C2CD5: variants seen among roughly 807,000 people sequenced by gnomAD.
C2CD5 encodes the protein C2 calcium dependent domain containing 5.
In C2CD5, 109 loss-of-function variants were observed where a neutral mutation model predicts 130.3. The observed-to-expected ratio is 0.84, with a 90% CI of 0.72 to 0.98. The LOEUF (loss-of-function observed/expected upper bound fraction) is 0.98. C2CD5 is among the 50% of genes least tolerant of loss of function. The probability of loss-of-function intolerance (pLI) is 0.00; values close to 1 mark genes in which losing one functional copy is unlikely to be tolerated. For missense variants in C2CD5, 996 were observed against 1,261.8 expected, an observed-to-expected ratio of 0.79 and a Z score of 3.19; for synonymous variants, 454 against 429.2, an observed-to-expected ratio of 1.06 and a Z score of -0.71.
chr12:22,455,212 A>G (rs769631029), intron 25 of C2CD5, among the ~76,000 whole-genome samples: 2 of 152,200 alleles, frequency 1.3e-5, no homozygotes, highest in Admixed American at 6.6e-5. Context: ...CTCCAACTCA[A>G]TCATAGTTCA....
chr12:22,509,052 AT>A (rs1250709177), intron 9 of C2CD5, among the ~76,000 whole-genome samples: 1 of 149,776 alleles, frequency 6.7e-6, no homozygotes, highest in African/African-American at 2.5e-5. Flanking sequence ...AATTTTTTGT[AT>A]TTTTTTAGTA....
intron 6 of C2CD5, 59 bp from the exon 7 acceptor site, chr12:22,523,683 C>CCTG: frequency 2.4e-6 from 3 of 1,272,696 alleles, no homozygotes; most frequent in South Asian, 2.4e-5. Context: ...TACTATAAGA[C>CCTG]TGGACATGGT....
intron 10 of C2CD5, among the ~76,000 whole-genome samples, chr12:22,502,427 T>G (rs1947916295): frequency 6.6e-6 from 1 of 152,108 alleles, no homozygotes; most frequent in Non-Finnish European, 1.5e-5. Context: ...GCCTACATCA[T>G]TTACCTGATA....
chr12:22,493,947 A>G (rs1380806113), intron 10 of C2CD5, among the ~76,000 whole-genome samples: 1 of 152,034 alleles, frequency 6.6e-6, no homozygotes, highest in East Asian at 1.9e-4. Flanking sequence ...AACACAAATA[A>G]TTTGGTAATG....
chr12:22,506,344 A>G (rs1948532139), intron 10 of C2CD5, among the ~76,000 whole-genome samples: 1 of 152,192 alleles, frequency 6.6e-6, no homozygotes, highest in South Asian at 2.1e-4. Context: ...TTTTAAGAAC[A>G]AGGAAAATAA....
intron 26 of C2CD5, among the ~76,000 whole-genome samples, chr12:22,450,387 C>A (rs1938325288): frequency 1.3e-5 from 2 of 152,046 alleles, no homozygotes; most frequent in African/African-American, 4.8e-5. Context: ...CTTTTCACTG[C>A]ATCATGTTTA....
At chr12:22,495,472 G>A (rs571546559) in intron 10 of C2CD5, among the ~76,000 whole-genome samples, 6 of 151,672 alleles carry the variant, frequency 4.0e-5, no homozygotes, top group South Asian at 4.2e-4. Flanking sequence ...GTTCATTTAC[G>A]TTAAACTTAC....
chr12:22,519,738 TA>T (rs1365465769), intron 7 of C2CD5, among the ~76,000 whole-genome samples: 1 of 152,046 alleles, frequency 6.6e-6, no homozygotes, highest in African/African-American at 2.4e-5. Context: ...GCTACTAAGA[TA>T]GGGGTATTTA....
At chr12:22,492,877 T>G (rs780003538) in intron 11 of C2CD5, among the ~76,000 whole-genome samples, 1 of 152,158 alleles carries the variant, frequency 6.6e-6, no homozygotes, top group Non-Finnish European at 1.5e-5. Context: ...AAGGTTCCAG[T>G]GGAAGAAGTT....
intron 7 of C2CD5, among the ~76,000 whole-genome samples, chr12:22,519,398 T>C (rs1950062699): frequency 6.6e-6 from 1 of 152,136 alleles, no homozygotes; most frequent in Admixed American, 6.5e-5. Context: ...GAAAAATAGC[T>C]AAATATTAAT....
At chr12:22,543,968 G>A in intron 2 of C2CD5, 93 bp downstream of exon 2, 1 of 946,626 alleles carries the variant, frequency 1.1e-6, no homozygotes, top group Non-Finnish European at 1.7e-6. Flanking sequence ...GCAGTCGAGG[G>A]GGGAATAGGC....
At chr12:22,507,817 G>A (rs1018948669) in intron 9 of C2CD5, among the ~76,000 whole-genome samples, 17 of 152,214 alleles carry the variant, frequency 1.1e-4, no homozygotes, top group African/African-American at 2.4e-4. Context: ...GGCTCTCAAC[G>A]GTCAAAAGAA....
intron 10 of C2CD5, among the ~76,000 whole-genome samples, chr12:22,498,170 A>AAAT (rs1947298230): frequency 6.6e-6 from 1 of 152,166 alleles, no homozygotes; most frequent in African/African-American, 2.4e-5. Context: ...GATTATCAGT[A>AAAT]AAATTAAAGT....
intron 8 of C2CD5, chr12:22,515,030 T>C (rs902876726): frequency 3.0e-6 from 3 of 985,078 alleles, no homozygotes; most frequent in Non-Finnish European, 3.6e-6. Context: ...AAGGCTAGAA[T>C]GATGAGGGGT....
intron 3 of C2CD5, among the ~76,000 whole-genome samples, chr12:22,532,450 G>GA (rs1951382024): frequency 6.6e-6 from 1 of 151,270 alleles, no homozygotes; most frequent in Middle Eastern, 3.4e-3. Flanking sequence ...ATTCATGTTT[G>GA]AAAAAAAACA....
intron 15 of C2CD5, among the ~76,000 whole-genome samples, chr12:22,477,786 G>A (rs1328728987): frequency 2.0e-5 from 3 of 152,010 alleles, no homozygotes; most frequent in African/African-American, 7.2e-5. Flanking sequence ...GAGCAAATTT[G>A]TAAAAAAAGA....
chr12:22,544,230 G>T, intron 1 of C2CD5, 51 bp from the exon 2 acceptor site: 2 of 1,441,984 alleles, frequency 1.4e-6, no homozygotes, highest in South Asian at 1.2e-5. Flanking sequence ...CGGCGGGAGA[G>T]GGGCGGAGGC....
chr12:22,510,368 T>C (rs1949052685), intron 9 of C2CD5, among the ~76,000 whole-genome samples: 1 of 152,216 alleles, frequency 6.6e-6, no homozygotes, highest in Admixed American at 6.5e-5. Flanking sequence ...TACATGCTGA[T>C]GCTTTGACAT....
intron 9 of C2CD5, chr12:22,512,687 A>T: frequency 6.7e-7 from 1 of 1,485,312 alleles, no homozygotes; most frequent in South Asian, 1.3e-5. Flanking sequence ...TCCCTTAGCA[A>T]TGAAGTTTAT....
Sources: allele counts gnomAD v4.1 joint callset (sites outside exome capture counted in the v4.1 genomes callset), GRCh38; gene constraint gnomAD v4.1.1; transcripts MANE v1.5; gene names NCBI Gene and HGNC (gene_info 2026-07-23, HGNC 2026-07-21).